Variants in NPEPPS observed in about 807,000 individuals in gnomAD.
NPEPPS encodes the protein puromycin-sensitive aminopeptidase.
NPEPPS carries 14 observed loss-of-function variants against 115.5 expected under a neutral mutation model. The ratio of observed to expected loss-of-function variants is 0.12; its 90% confidence interval spans 0.08 to 0.19. NPEPPS has a LOEUF of 0.19. Ranked by LOEUF, NPEPPS falls within the 10% of genes least tolerant of loss-of-function variation. The pLI is 1.00. For missense variants in NPEPPS, 523 were observed against 1,110.8 expected (o/e 0.47, Z 7.52); for synonymous variants, 285 against 390.6 (o/e 0.73, Z 3.19).
At chr17:47,589,214 T>A (rs2143864571) in intron 9 of NPEPPS, among the ~76,000 whole-genome samples, 1 of 152,212 alleles carries the variant, frequency 6.6e-6, no homozygotes, top group Middle Eastern at 3.4e-3. Context: ...CCCAAAGTGC[T>A]GGGATTACAG....
At chr17:47,558,002 C>T (rs1465658449) in intron 2 of NPEPPS, among the ~76,000 whole-genome samples, 7 of 149,720 alleles carry the variant, frequency 4.7e-5, no homozygotes, top group African/African-American at 1.5e-4. Context: ...TCTCAACTTA[C>T]TGCTACCTCC....
intron 2 of NPEPPS, among the ~76,000 whole-genome samples, chr17:47,546,261 C>T (rs1909206609): frequency 6.6e-6 from 1 of 151,954 alleles, no homozygotes; most frequent in African/African-American, 2.4e-5. Flanking sequence ...CAAAAACAAA[C>T]AAACAAACAG....
intron 10 of NPEPPS, 27 bp downstream of exon 10, chr17:47,590,908 C>T (rs1325465399): frequency 2.7e-6 from 4 of 1,503,022 alleles, no homozygotes; most frequent in Non-Finnish European, 3.6e-6. Flanking sequence ...AACCATTAGC[C>T]TATGACTGCT....
intron 17 of NPEPPS, among the ~76,000 whole-genome samples, chr17:47,611,483 G>T (rs117201874): frequency 0.023 from 3,532 of 151,074 alleles, 59 homozygotes; most frequent in Non-Finnish European, 0.036. Context: ...AAGAGACAAG[G>T]TCTTGCTCTG....
chr17:47,582,325 T>C (rs1911935743), intron 4 of NPEPPS: 1 of 224,160 alleles, frequency 4.5e-6, no homozygotes, highest in Non-Finnish European at 9.1e-6. Flanking sequence ...TGAGAATATT[T>C]TTATTTTTAA....
At chr17:47,529,737 T>TTATATATATATATA (rs56043348), upstream of NPEPPS, among the ~76,000 whole-genome samples, 68 of 25,460 alleles carry the variant, frequency 2.7e-3, no homozygotes, top group African/African-American at 3.4e-3. Flanking sequence ...TTCAGTTACA[T>TTATATATATATATA]TATATATATA....
chr17:47,605,455 G>C lies in NPEPPS; in HGVS notation c.1998G>C (p.Leu666Phe). 1.2e-6 allele frequency: 2 copies of C among 1,609,036 alleles called. No individual in the cohort carries two copies. Among genetic ancestry groups the C allele is most frequent in the South Asian group, 1.1e-5 (1 of 89,890 alleles). Residue 666 changes from leucine to phenylalanine, a missense_variant, in exon 17 of 23, where the codon TTG (leucine) becomes TTC (phenylalanine). Coordinates refer to ENST00000322157, the MANE Select transcript of NPEPPS (RefSeq NM_006310.4). ...ACCTGGGGATTCTCTCAACTCTCTT[G>C]TCCCACACAGACTTCTATGAGGAAA... ...SCNLGILSTL[L>F]SHTDFYEEIQ...
chr17:47,574,668 GCA>G, intron 3 of NPEPPS, among the ~76,000 whole-genome samples: 1 of 152,192 alleles, frequency 6.6e-6, no homozygotes, highest in Middle Eastern at 3.4e-3. Context: ...ACGGCTCACT[GCA>G]GCCTCAAACT....
At chr17:47,556,073 CTTTTTT>C (rs747406184) in intron 2 of NPEPPS, among the ~76,000 whole-genome samples, 3 of 80,736 alleles carry the variant, frequency 3.7e-5, no homozygotes, top group South Asian at 4.2e-4. Context: ...AAGCAATTCT[CTTTTTT>C]TTTTTTTTTT....
intron 6 of NPEPPS, chr17:47,585,933 G>A: frequency 1.8e-6 from 1 of 563,310 alleles, no homozygotes; most frequent in Non-Finnish European, 3.1e-6. Context: ...TGGAAAATAT[G>A]TAGTTATATT....
intron 2 of NPEPPS, among the ~76,000 whole-genome samples, chr17:47,556,892 G>A (rs935792142): frequency 5.9e-5 from 9 of 152,270 alleles, no homozygotes; most frequent in East Asian, 1.9e-4. Flanking sequence ...TCCACCTGCC[G>A]TGGTCTCCCA....
At chr17:47,564,187 G>C (rs1368957119) in intron 2 of NPEPPS, among the ~76,000 whole-genome samples, 3 of 152,136 alleles carry the variant, frequency 2.0e-5, no homozygotes, top group African/African-American at 7.2e-5. Context: ...CTCCCAAAGT[G>C]TTGGGATTAC....
At chr17:47,615,518 C>T (rs1281891513) in intron 19 of NPEPPS, among the ~76,000 whole-genome samples, 1 of 152,168 alleles carries the variant, frequency 6.6e-6, no homozygotes, top group Admixed American at 6.5e-5. Context: ...GATTGTGCCA[C>T]TGCACTCCAG....
intron 2 of NPEPPS, among the ~76,000 whole-genome samples, chr17:47,551,378 G>GT (rs770202873): frequency 6.6e-6 from 1 of 151,482 alleles, no homozygotes; most frequent in Non-Finnish European, 1.5e-5. Flanking sequence ...AATAAATGAA[G>GT]TTTATTATTT....
chr17:47,533,070 G>A (rs1907941450), intron 1 of NPEPPS, among the ~76,000 whole-genome samples: 1 of 152,108 alleles, frequency 6.6e-6, no homozygotes, highest in African/African-American at 2.4e-5. Flanking sequence ...TTGAATGTTG[G>A]TAGTTGTCTT....
At chr17:47,574,362 T>C (rs1160018078) in intron 3 of NPEPPS, among the ~76,000 whole-genome samples, 3 of 151,952 alleles carry the variant, frequency 2.0e-5, no homozygotes, top group Non-Finnish European at 2.9e-5. Context: ...TGAATTGTTG[T>C]TCAGCATTAG....
Position 47,619,113 on chromosome 17 carries a change from A to G in NPEPPS, c.2508A>G (p.Glu836=). The G allele has an allele frequency of 6.2e-7, 1 of 1,613,944 alleles. No individual in the cohort carries two copies. Among genetic ancestry groups the G allele is most frequent in the Non-Finnish European group, 8.5e-7 (1 of 1,179,842 alleles). ...GGAAATTCATAAAGGACAACTGGGA[A>G]GAACTTTATAACCGATACCAGGGAG... ...AAWKFIKDNW[E]ELYNRYQGGF... Residue 836 remains glutamate, a synonymous_variant, in exon 21 of 23, where the codon GAA becomes GAG. Transcript: ENST00000322157.
intron 1 of NPEPPS, among the ~76,000 whole-genome samples, chr17:47,538,844 T>G (rs959518245): frequency 2.6e-5 from 4 of 152,176 alleles, no homozygotes; most frequent in Non-Finnish European, 5.9e-5. Flanking sequence ...TATCTGTTCT[T>G]TAAAGTTGTT....
intron 4 of NPEPPS, chr17:47,580,166 C>G (rs1376417340): frequency 6.6e-6 from 1 of 152,004 alleles, no homozygotes; most frequent in Admixed American, 6.6e-5. Context: ...ATGTTTCTGC[C>G]CATATCCCTA....
Sources: allele counts gnomAD v4.1 joint callset (sites outside exome capture counted in the v4.1 genomes callset), GRCh38; gene constraint gnomAD v4.1.1; transcripts MANE v1.5; gene names NCBI Gene and HGNC (gene_info 2026-07-23, HGNC 2026-07-21).